ANO3: variants seen among roughly 807,000 people sequenced by gnomAD.
The protein encoded by ANO3 is anoctamin-3.
A neutral mutation model predicts 144.8 loss-of-function variants in ANO3; 99 were observed. The ratio of observed to expected loss-of-function variants is 0.68; its 90% CI spans 0.58 to 0.81. The LOEUF (loss-of-function observed/expected upper bound fraction) is 0.81. Ranked by LOEUF, ANO3 falls within the 30% of genes least tolerant of loss-of-function variation. The probability of loss-of-function intolerance (pLI) is 0.00; values close to 1 mark genes in which losing one functional copy is unlikely to be tolerated. For synonymous variants in ANO3, 414 were observed against 392.6 expected, an observed-to-expected ratio of 1.05 and a Z score of -0.64; for missense variants, 905 against 1,202.2, an observed-to-expected ratio of 0.75 and a Z score of 3.66.
chr11:26,222,299 CTG>C (rs1430664030), intron 1 of ANO3, among the ~76,000 whole-genome samples: 3 of 152,262 alleles, frequency 2.0e-5, no homozygotes, highest in African/African-American at 7.2e-5. Flanking sequence ...CCAGTGCACA[CTG>C]GTGCAGCGGG....
intron 1 of ANO3, among the ~76,000 whole-genome samples, chr11:26,275,250 T>C (rs1241499503): frequency 6.6e-6 from 1 of 152,092 alleles, no homozygotes; most frequent in Admixed American, 6.6e-5. Context: ...TACAATTTAC[T>C]GAAAAATGTT....
At chr11:26,525,542 A>G in intron 6 of ANO3, 93 bp from the exon 7 acceptor site, 1 of 985,244 alleles carries the variant, frequency 1.0e-6, no homozygotes, top group Non-Finnish European at 1.6e-6. Flanking sequence ...AACTTGGAGT[A>G]TAGAAATGCT....
At chr11:26,209,646 A>G (rs35746409) in intron 1 of ANO3, among the ~76,000 whole-genome samples, 45,998 of 151,928 alleles carry the variant, frequency 0.3, 7,702 homozygotes, top group Non-Finnish European at 0.37. Context: ...ATCTTCTCCA[A>G]CATCTGTTTA....
chr11:26,258,563 T>C (rs1306275668), intron 1 of ANO3, among the ~76,000 whole-genome samples: 1 of 152,192 alleles, frequency 6.6e-6, no homozygotes, highest in Non-Finnish European at 1.5e-5. Context: ...TTAATTACTG[T>C]CACAACTGCC....
intron 1 of ANO3, among the ~76,000 whole-genome samples, chr11:26,374,604 G>C (rs539847427): frequency 3.7e-4 from 57 of 152,222 alleles, no homozygotes; most frequent in Non-Finnish European, 7.1e-4. Context: ...TGAGATGTTG[G>C]CCATGATAAA....
At chr11:26,331,434 A>G (rs1474881141), upstream of ANO3, 1 of 152,212 alleles carries the variant, frequency 6.6e-6, no homozygotes, top group African/African-American at 2.4e-5. Flanking sequence ...CTTTCAAATA[A>G]GGTGTTGATT....
At chr11:26,590,899 G>A (rs1851429550) in intron 14 of ANO3, among the ~76,000 whole-genome samples, 1 of 152,096 alleles carries the variant, frequency 6.6e-6, no homozygotes, top group South Asian at 2.1e-4. Flanking sequence ...ATTTAGTAGA[G>A]TGAAAACAGA....
chr11:26,220,129 A>C (rs906878118), intron 1 of ANO3, among the ~76,000 whole-genome samples: 7 of 152,246 alleles, frequency 4.6e-5, no homozygotes, highest in Non-Finnish European at 8.8e-5. Flanking sequence ...TCCCTGAGCC[A>C]GGTACCTCCA....
At chr11:26,562,695 TA>T (rs1850340888) in intron 14 of ANO3, among the ~76,000 whole-genome samples, 1 of 151,880 alleles carries the variant, frequency 6.6e-6, no homozygotes, top group African/African-American at 2.4e-5. Context: ...TGTGTCTGTA[TA>T]AACTTTAAAA....
At chr11:26,196,195 T>C (rs958519831) in intron 1 of ANO3, among the ~76,000 whole-genome samples, 1 of 152,158 alleles carries the variant, frequency 6.6e-6, no homozygotes, top group East Asian at 1.9e-4. Context: ...CGAGAGTGAA[T>C]TGTGTTAATT....
At chr11:26,401,731 G>T (rs1348939112) in intron 1 of ANO3, among the ~76,000 whole-genome samples, 3 of 151,854 alleles carry the variant, frequency 2.0e-5, no homozygotes, top group Admixed American at 2.0e-4. Context: ...ACAAAAATTA[G>T]CCGGACATGG....
chr11:26,264,188 A>G (rs956950741), intron 1 of ANO3, among the ~76,000 whole-genome samples: 1 of 152,234 alleles, frequency 6.6e-6, no homozygotes, highest in Non-Finnish European at 1.5e-5. Context: ...TAGATTTTGA[A>G]ATATTTCCAA....
chr11:26,243,344 T>C (rs998366052), intron 1 of ANO3, among the ~76,000 whole-genome samples: 32 of 152,220 alleles, frequency 2.1e-4, no homozygotes, highest in Middle Eastern at 6.8e-3. Context: ...AAAGGCTTTT[T>C]TTTTTCACAG....
At chr11:26,542,359 C>T (rs1006539847) in intron 11 of ANO3, among the ~76,000 whole-genome samples, 1 of 151,842 alleles carries the variant, frequency 6.6e-6, no homozygotes, top group Admixed American at 6.6e-5. Context: ...TTACCAGAGC[C>T]CAATACTTAT....
chr11:26,246,380 C>A (rs1852794408), intron 1 of ANO3, among the ~76,000 whole-genome samples: 1 of 150,416 alleles, frequency 6.6e-6, no homozygotes, highest in African/African-American at 2.4e-5. Context: ...TAATGCACAG[C>A]CTTATTAATA....
intron 1 of ANO3, among the ~76,000 whole-genome samples, chr11:26,227,928 T>G (rs772280713): frequency 2.6e-5 from 4 of 152,070 alleles, no homozygotes; most frequent in Non-Finnish European, 5.9e-5. Flanking sequence ...CAGCCCAAAG[T>G]AAAAGAAAAA....
At chr11:26,496,873 C>G (rs529535987) in intron 4 of ANO3, among the ~76,000 whole-genome samples, 5 of 151,292 alleles carry the variant, frequency 3.3e-5, no homozygotes, top group Non-Finnish European at 7.4e-5. Flanking sequence ...TTTTTTCTGG[C>G]TGAGTAGCAT....
intron 4 of ANO3, among the ~76,000 whole-genome samples, chr11:26,472,540 C>G (rs1428286787): frequency 1.3e-5 from 2 of 151,720 alleles, no homozygotes; most frequent in African/African-American, 4.8e-5. Context: ...CTACACTGCA[C>G]GTAATGGAGG....
chr11:26,494,786 C>A (rs1291154187), intron 4 of ANO3, among the ~76,000 whole-genome samples: 1 of 152,262 alleles, frequency 6.6e-6, no homozygotes, highest in South Asian at 2.1e-4. Context: ...ACCCAAGGAC[C>A]TCTAAGGGAG....
Sources: gnomAD v4.1 joint callset for allele counts (sites outside exome capture counted in the v4.1 genomes callset) on GRCh38, gnomAD v4.1.1 for gene constraint, MANE v1.5 for transcripts, NCBI Gene and HGNC (gene_info 2026-07-23, HGNC 2026-07-21) for gene names.